The following NLRP1 variants were observed in gnomAD, a reference collection of about 807,000 sequenced individuals.
NLRP1 encodes the protein NLR family pyrin domain containing 1.
Under a neutral mutation model 136.7 loss-of-function variants are expected in NLRP1, and 94 were observed. That is an observed-to-expected ratio of 0.69 (90% CI 0.58 to 0.82). The LOEUF (loss-of-function observed/expected upper bound fraction) is 0.82. NLRP1 is among the 40% of genes least tolerant of loss of function. NLRP1 has a pLI of 0.00. For missense variants in NLRP1, 1,575 were observed against 1,802.7 expected, an observed-to-expected ratio of 0.87 and a Z score of 2.29; for synonymous variants, 690 against 725.1, an observed-to-expected ratio of 0.95 and a Z score of 0.78.
intron 4 of NLRP1, among the ~76,000 whole-genome samples, chr17:5,554,982 A>G (rs1913855555): frequency 6.6e-6 from 1 of 151,016 alleles, no homozygotes; most frequent in African/African-American, 2.4e-5. Flanking sequence ...TGGTCATGCC[A>G]CTGCACTATT....
chr17:5,521,630 A>G lies in NLRP1; in HGVS notation c.3677T>C (p.Leu1226Pro). Residue 1226 changes from leucine to proline, a missense_variant, in exon 13 of 17, where the codon CTG becomes CCG. Coordinates refer to ENST00000572272, the MANE Select transcript of NLRP1 (RefSeq NM_033004.4). Reference protein sequence around the residue: ...GVLLKMIHNALRFIPVTSVVL... With the variant: ...GVLLKMIHNAPRFIPVTSVVL... ...CACAGAGGTGACGGGAATGAAGCGC[A>G]GGGCATTATGGATCATTTTCAGGAG... 1.2e-6 allele frequency: 2 copies of G among 1,614,134 alleles called. No homozygotes were observed. The highest frequency in any genetic ancestry group is 1.7e-6 in the Non-Finnish European group (2 of 1,180,028).
chr17:5,521,075 G>C, intron 13 of NLRP1, 63 bp from the exon 14 acceptor site: 1 of 1,483,384 alleles, frequency 6.7e-7, no homozygotes, highest in South Asian at 1.3e-5. Flanking sequence ...GGTTTGAATA[G>C]GGGGGATGGT....
intron 15 of NLRP1, among the ~76,000 whole-genome samples, chr17:5,516,422 G>A (rs1328364460): frequency 1.3e-5 from 2 of 152,218 alleles, no homozygotes; most frequent in Non-Finnish European, 2.9e-5. Context: ...AGAGTCATCA[G>A]GAATGCTATG....
At chr17:5,570,846 G>A (rs927800845) in intron 3 of NLRP1, among the ~76,000 whole-genome samples, 4 of 152,124 alleles carry the variant, frequency 2.6e-5, no homozygotes, top group African/African-American at 9.7e-5. Context: ...GATGAACATA[G>A]CTGCAAAAAT....
chr17:5,512,054 C>CTTCTTGTGAAGTGGGCCTGG (rs1253857186), downstream of NLRP1: 1 of 683,872 alleles, frequency 1.5e-6, no homozygotes, highest in East Asian at 2.5e-5. Context: ...AAATTAACAC[C>CTTCTTGTGAAGTGGGCCTGG]TTTAGGTATT....
intron 3 of NLRP1, among the ~76,000 whole-genome samples, chr17:5,562,396 C>G (rs149551332): frequency 6.6e-6 from 1 of 152,186 alleles, no homozygotes; most frequent in Non-Finnish European, 1.5e-5. Context: ...CTCTGCAGGG[C>G]GGACCCAGCA....
exon 16 of NLRP1, chr17:5,501,505 C>A: frequency 4.3e-6 from 1 of 235,024 alleles, no homozygotes; most frequent in Non-Finnish European, 8.5e-6. Context: ...TAAAATAAAG[C>A]CTCCCACAAT....
intron 6 of NLRP1, chr17:5,539,812 G>T: frequency 4.1e-6 from 1 of 246,256 alleles, no homozygotes; most frequent in Non-Finnish European, 6.5e-6. Context: ...TCTCAATCCT[G>T]TGTGATTCAC....
rs189050509 is a variant in NLRP1, at chr17:5,558,202, T to C, written c.2357+137A>G. On this transcript the variant is annotated intron_variant, in intron 4 of 16. Coordinates refer to ENST00000572272, the MANE Select transcript of NLRP1 (RefSeq NM_033004.4). ...GAGCATGGTGGTCAGATTGGGCAGT[T>C]AGAAGTCACTGGAGACCCTGATCCT... 36 of 843,416 alleles carry C rather than the reference T, an allele frequency of 4.3e-5. No homozygotes were observed. In the East Asian group the frequency reaches 8.3e-4, roughly 19 times the overall value. The allele number at this position is 843,416 out of a possible 1,614,324, so 52.2% of individuals were successfully genotyped here. A position where few individuals can be genotyped will look rare whatever the true frequency, so the allele number is the denominator to read the frequency against.
intron 12 of NLRP1, among the ~76,000 whole-genome samples, chr17:5,525,594 G>C (rs1390511353): frequency 6.6e-6 from 1 of 152,176 alleles, no homozygotes; most frequent in Non-Finnish European, 1.5e-5. Flanking sequence ...ACTCAAGCAG[G>C]GACAGTGGGA....
intron 3 of NLRP1, among the ~76,000 whole-genome samples, chr17:5,576,563 A>G (rs1333161222): frequency 1.3e-5 from 2 of 152,234 alleles, no homozygotes; most frequent in African/African-American, 4.8e-5. Context: ...ACACCCTTCC[A>G]AGACTAAACC....
At chr17:5,580,942 A>C (rs1210111325) in intron 3 of NLRP1, among the ~76,000 whole-genome samples, 2 of 152,046 alleles carry the variant, frequency 1.3e-5, no homozygotes, top group African/African-American at 4.8e-5. Context: ...GAGTTTATTT[A>C]TTTTTTATTT....
At chr17:5,549,479 C>T (rs932896207) in intron 5 of NLRP1, among the ~76,000 whole-genome samples, 4 of 151,912 alleles carry the variant, frequency 2.6e-5, no homozygotes, top group African/African-American at 9.7e-5. Flanking sequence ...AGGGTTTTGC[C>T]GTGTTGCCCT....
chr17:5,554,679 G>C (rs1396064906), intron 4 of NLRP1, among the ~76,000 whole-genome samples: 1 of 152,120 alleles, frequency 6.6e-6, no homozygotes, highest in African/African-American at 2.4e-5. Flanking sequence ...AAAAGTCCTA[G>C]AGCAGTTTTA....
At chr17:5,561,789 T>C (rs1415679459) in intron 3 of NLRP1, among the ~76,000 whole-genome samples, 1 of 152,226 alleles carries the variant, frequency 6.6e-6, no homozygotes, top group Non-Finnish European at 1.5e-5. Context: ...TGGGATATTA[T>C]TTTGTTCAGG....
rs562971226 is a variant in NLRP1 at position 5,526,479 on chromosome 17, CAG to C, written c.3520+4000_3520+4001del. On this transcript the variant is annotated intron_variant, in intron 12 of 16. Coordinates refer to ENST00000572272, the MANE Select transcript of NLRP1 (RefSeq NM_033004.4). ...AGTGGGAATGGGGCGAGACCCCACT[CAG>C]GTGTCTGTGTGAAGTGTTCTTGTTC... Among the ~76,000 whole-genome samples the C allele has an allele frequency of 5.9e-5, 9 of 152,226 alleles. No individual in the cohort carries two copies. The South Asian group carries it at 1.7e-3, about 28-fold the overall frequency.
downstream of NLRP1, among the ~76,000 whole-genome samples, chr17:5,509,776 A>AT (rs1333037977): frequency 1.3e-5 from 2 of 152,132 alleles, no homozygotes; most frequent in African/African-American, 4.8e-5. Context: ...AAGTGTTGAG[A>AT]TTACAGGCGT....
intron 5 of NLRP1, among the ~76,000 whole-genome samples, chr17:5,545,519 CACAG>C (rs1189877809): frequency 1.1e-4 from 12 of 110,620 alleles, no homozygotes; most frequent in Middle Eastern, 4.0e-3. Flanking sequence ...CACATACACA[CACAG>C]ACACAGACAC....
chr17:5,515,022 T>C lies in NLRP1; in HGVS notation c.4154A>G (p.Tyr1385Cys), dbSNP rs1907902365. The C allele has an allele frequency of 6.2e-7, 1 of 1,614,236 alleles. No homozygotes were observed. The highest frequency in any genetic ancestry group is 8.5e-7 in the Non-Finnish European group (1 of 1,180,050). ...APQLLHFVDQ[Y>C]REQLIARVTS... ...CACTCGGGCTATCAGCTGCTCTCGA[T>C]ACTGGTCCACAAAGTGCAGCAACTG... Residue 1385 changes from tyrosine to cysteine, a missense_variant, in exon 17 of 17, where the codon TAT (tyrosine) becomes TGT (cysteine). Physicochemically the swap from Tyr to Cys is radical, Grantham distance 194 (BLOSUM62 -2). Coordinates refer to ENST00000572272, the MANE Select transcript of NLRP1 (RefSeq NM_033004.4).
Sources: allele counts gnomAD v4.1 joint callset (sites outside exome capture counted in the v4.1 genomes callset), GRCh38; gene constraint gnomAD v4.1.1; transcripts MANE v1.5; gene names NCBI Gene and HGNC (gene_info 2026-07-23, HGNC 2026-07-21).